Variants in SUPT3H observed in about 807,000 individuals in gnomAD.
SUPT3H encodes SPT3 homolog, SAGA and STAGA complex component, also known as transcription initiation protein SPT3 homolog.
Under a neutral mutation model 44.3 loss-of-function variants are expected in SUPT3H, and 44 were observed. That is an observed-to-expected ratio of 0.99 (90% CI 0.78 to 1.28). The LOEUF (loss-of-function observed/expected upper bound fraction) is 1.28. SUPT3H is among the 50% of genes most tolerant of loss of function. The probability of loss-of-function intolerance (pLI) is 0.00; values close to 1 mark genes in which losing one functional copy is unlikely to be tolerated. For synonymous variants in SUPT3H, 124 were observed against 125.6 expected, an observed-to-expected ratio of 0.99 and a Z score of 0.09; for missense variants, 380 against 387.1, an observed-to-expected ratio of 0.98 and a Z score of 0.15.
chr6:45,312,316 G>C (rs982500542), intron 2 of SUPT3H, among the ~76,000 whole-genome samples: 6 of 152,116 alleles, frequency 3.9e-5, no homozygotes, highest in Admixed American at 1.3e-4. Flanking sequence ...AGACCATCCT[G>C]GCCCTGGCTA....
At chr6:45,124,127 G>A (rs1306400917) in intron 2 of SUPT3H, among the ~76,000 whole-genome samples, 1 of 151,832 alleles carries the variant, frequency 6.6e-6, no homozygotes, top group South Asian at 2.1e-4. Flanking sequence ...AGGAGAGAAA[G>A]GAAAATATAT....
intron 11 of SUPT3H, among the ~76,000 whole-genome samples, chr6:44,817,160 C>T (rs902718371): frequency 2.0e-5 from 3 of 150,382 alleles, no homozygotes; most frequent in African/African-American, 7.3e-5. Context: ...ACATCATGAC[C>T]GAATTGCATT....
intron 2 of SUPT3H, among the ~76,000 whole-genome samples, chr6:45,234,530 C>CAAA (rs10713328): frequency 5.5e-5 from 7 of 126,960 alleles, no homozygotes; most frequent in Non-Finnish European, 8.5e-5. Flanking sequence ...GACGCTGTCA[C>CAAA]AAAAAAAAAA....
chr6:44,858,596 C>T (rs1243425903), intron 10 of SUPT3H, among the ~76,000 whole-genome samples: 1 of 152,112 alleles, frequency 6.6e-6, no homozygotes, highest in African/African-American at 2.4e-5. Context: ...CCATATAAAA[C>T]TGTTGGCATT....
chr6:45,284,180 A>G (rs1328016861), intron 2 of SUPT3H, among the ~76,000 whole-genome samples: 1 of 152,222 alleles, frequency 6.6e-6, no homozygotes, highest in Admixed American at 6.5e-5. Context: ...CATAATTAAA[A>G]CAACTGGAGA....
chr6:45,097,084 C>G (rs1797890840), intron 3 of SUPT3H, among the ~76,000 whole-genome samples: 1 of 152,120 alleles, frequency 6.6e-6, no homozygotes, highest in East Asian at 1.9e-4. Flanking sequence ...GAAAAGATAA[C>G]ACTGATCAAA....
At chr6:45,138,621 CTG>C (rs909561156) in intron 2 of SUPT3H, among the ~76,000 whole-genome samples, 7 of 150,618 alleles carry the variant, frequency 4.6e-5, no homozygotes, top group African/African-American at 1.7e-4. Flanking sequence ...GTGTGTGTGT[CTG>C]TGTGTGTGTG....
intron 3 of SUPT3H, among the ~76,000 whole-genome samples, chr6:45,057,715 A>T (rs1465917732): frequency 6.6e-6 from 1 of 152,140 alleles, no homozygotes; most frequent in African/African-American, 2.4e-5. Flanking sequence ...CAGGGCCTGG[A>T]ATATAAAGTT....
rs116208057 is a variant in SUPT3H at position 45,288,762 on chromosome 6, C to T, written c.101+76439G>A. Among the ~76,000 whole-genome samples the T allele has an allele frequency of 9.2e-3, 1,392 of 151,642 alleles. 20 individuals are homozygous for T. Among genetic ancestry groups the T allele is most frequent in the African/African-American group, 0.032 (1,316 of 41,358 alleles). ...ATATTCACCGTTTGATAAAGACAAA[C>T]CATTACCATTATAAAGAACACAACT... On this transcript the variant is annotated intron_variant, in intron 2 of 10. Coordinates refer to ENST00000371459, the MANE Select transcript of SUPT3H (RefSeq NM_003599.4).
chr6:45,240,807 T>C (rs1374374966), intron 2 of SUPT3H, among the ~76,000 whole-genome samples: 5 of 152,208 alleles, frequency 3.3e-5, no homozygotes, highest in African/African-American at 4.8e-5. Context: ...CCTCAGATGA[T>C]ATGCCTGCTG....
intron 6 of SUPT3H, among the ~76,000 whole-genome samples, chr6:44,991,472 C>A (rs1463021268): frequency 6.6e-6 from 1 of 151,590 alleles, no homozygotes; most frequent in African/African-American, 2.4e-5. Flanking sequence ...ATAGATTATA[C>A]TAATCACTAA....
At chr6:44,814,931 C>T (rs573632138) in intron 11 of SUPT3H, among the ~76,000 whole-genome samples, 2 of 152,218 alleles carry the variant, frequency 1.3e-5, no homozygotes, top group Admixed American at 6.5e-5. Context: ...CCTGCCTTGG[C>T]CTCCCAAAGT....
intron 2 of SUPT3H, among the ~76,000 whole-genome samples, chr6:45,172,354 A>G (rs1004458194): frequency 3.9e-5 from 6 of 152,080 alleles, no homozygotes; most frequent in Non-Finnish European, 8.8e-5. Flanking sequence ...TACAGGCATG[A>G]GCCACTGTGC....
chr6:45,236,550 T>G (rs1475600223), intron 2 of SUPT3H, among the ~76,000 whole-genome samples: 6 of 152,074 alleles, frequency 3.9e-5, no homozygotes, highest in African/African-American at 1.4e-4. Flanking sequence ...ACCCCCTCCT[T>G]ATTTTGAAGA....
chr6:44,906,162 C>G (rs559396496), intron 10 of SUPT3H, among the ~76,000 whole-genome samples: 1 of 151,882 alleles, frequency 6.6e-6, no homozygotes, highest in South Asian at 2.1e-4. Flanking sequence ...ACCCTAAAAC[C>G]TAAAGTATAA....
At chr6:45,105,635 T>A (rs752887466) in intron 3 of SUPT3H, among the ~76,000 whole-genome samples, 12 of 152,228 alleles carry the variant, frequency 7.9e-5, no homozygotes, top group Non-Finnish European at 1.6e-4. Context: ...ATCTTTCTGC[T>A]GTGATGATGA....
chr6:45,325,890 C>T (rs1422272047), intron 2 of SUPT3H, among the ~76,000 whole-genome samples: 5 of 151,738 alleles, frequency 3.3e-5, no homozygotes, highest in Non-Finnish European at 7.4e-5. Context: ...GATATATTTT[C>T]GTTTTAGGAA....
At chr6:45,328,306 T>C (rs1408440234) in intron 2 of SUPT3H, 1 of 1,368,594 alleles carries the variant, frequency 7.3e-7, no homozygotes, top group Non-Finnish European at 9.8e-7. Flanking sequence ...AAGCTTTTGC[T>C]TTTTTGGATT....
At chr6:45,118,112 C>A (rs1801095933) in intron 2 of SUPT3H, among the ~76,000 whole-genome samples, 1 of 151,984 alleles carries the variant, frequency 6.6e-6, no homozygotes, top group African/African-American at 2.4e-5. Flanking sequence ...AAAAATTTGG[C>A]ATGCATAAAT....
Sources: allele counts gnomAD v4.1 joint callset (sites outside exome capture counted in the v4.1 genomes callset), GRCh38; gene constraint gnomAD v4.1.1; transcripts MANE v1.5; gene names NCBI Gene and HGNC (gene_info 2026-07-23, HGNC 2026-07-21).